Variants in RGSL1 observed in about 807,000 individuals in gnomAD.
RGSL1 encodes the protein regulator of G protein signaling protein-like.
A neutral mutation model predicts 124.7 loss-of-function variants in RGSL1; 97 were observed. That is an observed-to-expected ratio of 0.78 (90% CI 0.66 to 0.92). RGSL1 has a LOEUF of 0.92. Among genes scored for constraint, RGSL1 ranks in the 40% least tolerant of loss-of-function variants. The pLI, the probability that RGSL1 is intolerant of heterozygous loss-of-function variation, is 0.00. For missense variants in RGSL1, 1,233 were observed against 1,288.4 expected (o/e 0.96, Z 0.66); for synonymous variants, 424 against 438.1 (o/e 0.97, Z 0.40).
chr1:182,500,808 A>G (rs1386603941), intron 9 of RGSL1, among the ~76,000 whole-genome samples: 3 of 152,196 alleles, frequency 2.0e-5, no homozygotes, highest in Non-Finnish European at 4.4e-5. Context: ...AGTATATAGA[A>G]ATACAACTGA....
At chr1:182,487,685 C>A (rs535849281) in intron 6 of RGSL1, among the ~76,000 whole-genome samples, 2 of 152,144 alleles carry the variant, frequency 1.3e-5, no homozygotes, top group Non-Finnish European at 2.9e-5. Flanking sequence ...CTCCTTATAG[C>A]GACACTTGCA....
At chr1:182,503,842 C>T (rs957242949) in intron 9 of RGSL1, among the ~76,000 whole-genome samples, 11 of 152,132 alleles carry the variant, frequency 7.2e-5, no homozygotes, top group African/African-American at 2.7e-4. Flanking sequence ...GTATTGCATG[C>T]CTGTATCAAA....
intron 2 of RGSL1, 125 bp downstream of exon 2, chr1:182,454,165 A>T: frequency 1.6e-6 from 1 of 627,570 alleles, no homozygotes; most frequent in Non-Finnish European, 2.8e-6. Context: ...CTTCTTAAAT[A>T]AAAAAACTCT....
At chr1:182,510,860 T>G (rs1031393638) in intron 9 of RGSL1, among the ~76,000 whole-genome samples, 1 of 152,198 alleles carries the variant, frequency 6.6e-6, no homozygotes, top group African/African-American at 2.4e-5. Context: ...TCTGCAAATA[T>G]TTTCTCCCAG....
intron 1 of RGSL1, among the ~76,000 whole-genome samples, chr1:182,452,758 TTTCTAA>T (rs1414187057): frequency 6.6e-6 from 1 of 151,814 alleles, no homozygotes; most frequent in Non-Finnish European, 1.5e-5. Flanking sequence ...TGGCCAGGAG[TTTCTAA>T]TTCTATTTCT....
intron 14 of RGSL1, among the ~76,000 whole-genome samples, chr1:182,537,740 G>A (rs540454864): frequency 1.0e-3 from 154 of 152,002 alleles, no homozygotes; most frequent in African/African-American, 3.6e-3. Context: ...TCTCTCGGTG[G>A]AAACAGGCAC....
chr1:182,549,557 C>A (rs1350058702), intron 17 of RGSL1: 1 of 152,232 alleles, frequency 6.6e-6, no homozygotes, highest in Non-Finnish European at 1.5e-5. Flanking sequence ...CAGCTCATAT[C>A]TTCCACATGG....
intron 10 of RGSL1, among the ~76,000 whole-genome samples, chr1:182,524,716 G>A (rs1326153445): frequency 3.3e-5 from 5 of 152,180 alleles, no homozygotes; most frequent in African/African-American, 1.2e-4. Context: ...GATATGGTTT[G>A]AAGCTCCACA....
At chr1:182,486,273 A>AAATTTATT (rs1655089632) in intron 6 of RGSL1, among the ~76,000 whole-genome samples, 1 of 151,826 alleles carries the variant, frequency 6.6e-6, no homozygotes, top group Admixed American at 6.6e-5. Context: ...CTTAAGAAAT[A>AAATTTATT]AATTTATTTA....
At chr1:182,486,392 C>T (rs1188967208) in intron 6 of RGSL1, among the ~76,000 whole-genome samples, 1 of 150,910 alleles carries the variant, frequency 6.6e-6, no homozygotes, top group Non-Finnish European at 1.5e-5. Context: ...TTCACTGCAA[C>T]CTCCATCTTC....
intron 9 of RGSL1, among the ~76,000 whole-genome samples, chr1:182,508,462 G>A (rs1013047240): frequency 1.3e-4 from 20 of 151,624 alleles, no homozygotes; most frequent in African/African-American, 4.8e-4. Flanking sequence ...ACCACACCCA[G>A]CTAGTTTTGT....
intron 6 of RGSL1, among the ~76,000 whole-genome samples, chr1:182,478,679 G>T (rs1385220806): frequency 6.6e-6 from 1 of 152,260 alleles, no homozygotes; most frequent in East Asian, 1.9e-4. Flanking sequence ...CTTATTTAAA[G>T]AAATAATGGC....
At chr1:182,485,610 T>G (rs1433292581) in intron 6 of RGSL1, among the ~76,000 whole-genome samples, 1 of 152,178 alleles carries the variant, frequency 6.6e-6, no homozygotes, top group Admixed American at 6.5e-5. Flanking sequence ...CATTAGAGAT[T>G]CTGTCATCCC....
chr1:182,517,609 C>G (rs1401819376), intron 9 of RGSL1, among the ~76,000 whole-genome samples: 1 of 152,018 alleles, frequency 6.6e-6, no homozygotes, highest in Non-Finnish European at 1.5e-5. Context: ...TTAAAATAGA[C>G]TGTCTTCAAG....
intron 6 of RGSL1, among the ~76,000 whole-genome samples, chr1:182,484,757 C>T (rs1395990834): frequency 1.3e-5 from 2 of 152,158 alleles, no homozygotes; most frequent in African/African-American, 4.8e-5. Context: ...GAGTGTAGAG[C>T]TTAATGTTCA....
chr1:182,462,032 A>G (rs1325629701), intron 4 of RGSL1, among the ~76,000 whole-genome samples: 1 of 143,974 alleles, frequency 6.9e-6, no homozygotes, highest in Non-Finnish European at 1.6e-5. Context: ...ACTCCAAGTA[A>G]GATGAACTCA....
chr1:182,547,846 G>A (rs910779723), intron 15 of RGSL1, among the ~76,000 whole-genome samples: 1 of 151,584 alleles, frequency 6.6e-6, no homozygotes, highest in African/African-American at 2.4e-5. Context: ...GGGATACAGA[G>A]TGAGACTCCA....
chr1:182,471,635 C>T (rs1042522923), intron 4 of RGSL1, among the ~76,000 whole-genome samples: 21 of 152,176 alleles, frequency 1.4e-4, no homozygotes, highest in South Asian at 2.1e-4. Context: ...GTGGCAGCCA[C>T]TGGCCTGGTA....
At chr1:182,493,166 G>C (rs1305295866) in intron 9 of RGSL1, 37 bp downstream of exon 9, 2 of 1,360,732 alleles carry the variant, frequency 1.5e-6, no homozygotes, top group Non-Finnish European at 2.0e-6. Flanking sequence ...GAGGCAACTA[G>C]GTTTTTTCAA....
Sources: allele counts gnomAD v4.1 joint callset (sites outside exome capture counted in the v4.1 genomes callset), GRCh38; gene constraint gnomAD v4.1.1; transcripts MANE v1.5; gene names NCBI Gene and HGNC (gene_info 2026-07-23, HGNC 2026-07-21).